STXBP5: variants seen among roughly 807,000 people sequenced by gnomAD.
STXBP5 encodes syntaxin-binding protein 5.
STXBP5 carries 50 observed loss-of-function variants against 152.4 expected under a neutral mutation model. The ratio of observed to expected loss-of-function variants is 0.33; its 90% CI spans 0.26 to 0.42. STXBP5 has a LOEUF of 0.42. Among genes scored for constraint, STXBP5 ranks in the 10% least tolerant of loss-of-function variants. The pLI is 1.00. For synonymous variants in STXBP5, 492 were observed against 494.7 expected (o/e 0.99, Z 0.07); for missense variants, 1,167 against 1,388.6 (o/e 0.84, Z 2.54).
intron 9 of STXBP5, among the ~76,000 whole-genome samples, chr6:147,294,211 T>C (rs1251936918): frequency 6.6e-6 from 1 of 152,102 alleles, no homozygotes; most frequent in East Asian, 1.9e-4. Context: ...TGAAATCCCA[T>C]GGTGAATGGC....
intron 23 of STXBP5, among the ~76,000 whole-genome samples, chr6:147,362,743 A>G (rs1031782683): frequency 6.6e-6 from 1 of 152,234 alleles, no homozygotes; most frequent in African/African-American, 2.4e-5. Flanking sequence ...ATTAATTTTA[A>G]TAACATTTTA....
chr6:147,388,214 A>G lies in STXBP5; in HGVS notation c.*3459A>G, dbSNP rs963885483. On this transcript the variant is annotated 3_prime_UTR_variant, in exon 28 of 28. Transcript: ENST00000321680. ...TTGCTCAGTTTAAACCAAGTGATAC[A>G]TGTGTATAAAACATACCAAAATCAT... The G allele has an allele frequency of 2.6e-5, 4 of 151,794 alleles. No homozygotes were observed. The highest frequency in any genetic ancestry group is 4.8e-5 in the African/African-American group (2 of 41,414). The allele number at this position is 151,794 out of a possible 1,614,324, so 9.4% of individuals were successfully genotyped here. A position where few individuals can be genotyped will look rare whatever the true frequency, so the allele number is the denominator to read the frequency against.
In STXBP5 at chr6:147,228,891, GAT is replaced by G. The variant is rs376928726; in HGVS notation, c.249-6356_249-6355del. Among the ~76,000 whole-genome samples the G allele has an allele frequency of 1.5e-3, 228 of 152,160 alleles. 12 individuals carry two copies. In the South Asian group the frequency reaches 0.046, roughly 31 times the overall value. On this transcript the variant is annotated intron_variant, in intron 2 of 27. Transcript: ENST00000321680. ...AAATGATTTTAATTTACAAGGGAAA[GAT>G]ATTTTTCTTGGGACTTTTACTTACA...
intron 9 of STXBP5, among the ~76,000 whole-genome samples, chr6:147,295,475 C>CA (rs1183047686): frequency 6.6e-6 from 1 of 152,088 alleles, no homozygotes; most frequent in Non-Finnish European, 1.5e-5. Flanking sequence ...ACAAAAGGAC[C>CA]AAAAAGAACA....
intron 14 of STXBP5, among the ~76,000 whole-genome samples, chr6:147,315,082 C>G (rs995569863): frequency 1.3e-5 from 2 of 152,012 alleles, no homozygotes; most frequent in Non-Finnish European, 2.9e-5. Context: ...GGCAAGCATT[C>G]AATTGGAATC....
At chr6:147,370,372 CT>C (rs1386817382) in intron 25 of STXBP5, among the ~76,000 whole-genome samples, 1 of 151,886 alleles carries the variant, frequency 6.6e-6, no homozygotes, top group Admixed American at 6.6e-5. Flanking sequence ...AATTGTACAC[CT>C]CAAATATATG....
At chr6:147,207,555 G>A (rs1411671852) in intron 2 of STXBP5, among the ~76,000 whole-genome samples, 2 of 152,156 alleles carry the variant, frequency 1.3e-5, no homozygotes, top group Admixed American at 6.5e-5. Flanking sequence ...TTAGGGTTGT[G>A]TGAAGACGGG....
At chr6:147,246,937 T>G (rs1778838754) in intron 4 of STXBP5, among the ~76,000 whole-genome samples, 1 of 152,196 alleles carries the variant, frequency 6.6e-6, no homozygotes, top group Non-Finnish European at 1.5e-5. Context: ...TTTCCCAGTA[T>G]CGTAAGTAAA....
chr6:147,274,040 A>G (rs1780320578), intron 7 of STXBP5, among the ~76,000 whole-genome samples: 1 of 151,442 alleles, frequency 6.6e-6, no homozygotes, highest in Non-Finnish European at 1.5e-5. Context: ...TGCACTGTGT[A>G]TATTCATGGA....
intron 7 of STXBP5, among the ~76,000 whole-genome samples, chr6:147,273,575 A>G (rs1780286212): frequency 6.6e-6 from 1 of 152,164 alleles, no homozygotes; most frequent in Admixed American, 6.5e-5. Flanking sequence ...AAATATTGGT[A>G]GTAAAATATG....
chr6:147,297,778 A>G (rs1781601687), intron 9 of STXBP5, among the ~76,000 whole-genome samples: 2 of 152,150 alleles, frequency 1.3e-5, no homozygotes, highest in African/African-American at 4.8e-5. Context: ...TTAAGTTGTT[A>G]TCAGCTTAAA....
At chr6:147,264,572 C>T (rs1355725587) in intron 6 of STXBP5, among the ~76,000 whole-genome samples, 1 of 152,050 alleles carries the variant, frequency 6.6e-6, no homozygotes, top group Admixed American at 6.6e-5. Flanking sequence ...TTTCTAGATA[C>T]AGACTGGTTA....
chr6:147,311,875 C>T (rs1782396030), intron 11 of STXBP5, among the ~76,000 whole-genome samples: 1 of 152,116 alleles, frequency 6.6e-6, no homozygotes, highest in Non-Finnish European at 1.5e-5. Context: ...TACGTCTACT[C>T]ACTCTCAGTT....
At chr6:147,210,007 A>G (rs897017231) in intron 2 of STXBP5, among the ~76,000 whole-genome samples, 12 of 152,186 alleles carry the variant, frequency 7.9e-5, no homozygotes, top group African/African-American at 2.2e-4. Context: ...GTAATAGGAG[A>G]TGCTGACAGG....
chr6:147,279,196 C>T (rs1228636160), intron 8 of STXBP5, among the ~76,000 whole-genome samples: 1 of 152,174 alleles, frequency 6.6e-6, no homozygotes, highest in African/African-American at 2.4e-5. Flanking sequence ...CTTAACAAAA[C>T]TTATAAGAAA....
intron 19 of STXBP5, among the ~76,000 whole-genome samples, chr6:147,336,721 G>A (rs1783842595): frequency 6.6e-6 from 1 of 152,008 alleles, no homozygotes; most frequent in African/African-American, 2.4e-5. Context: ...GGGAAAAGAA[G>A]AAATGTATAA....
intron 4 of STXBP5, among the ~76,000 whole-genome samples, chr6:147,251,635 T>G (rs531897343): frequency 6.6e-6 from 1 of 152,274 alleles, no homozygotes; most frequent in South Asian, 2.1e-4. Flanking sequence ...GACAGAGCAC[T>G]TGGAGAAAGG....
At chr6:147,377,900 C>A (rs569701590) in intron 26 of STXBP5, among the ~76,000 whole-genome samples, 1 of 151,670 alleles carries the variant, frequency 6.6e-6, no homozygotes, top group African/African-American at 2.4e-5. Context: ...AAAAGAAATG[C>A]ACAAGTAGAT....
In STXBP5 at chr6:147,334,186, G is replaced by T. The variant is rs140102693; in HGVS notation, c.2110G>T (p.Val704Phe). 6.7e-5 allele frequency: 108 copies of T among 1,612,214 alleles called. No individual in the cohort carries two copies. Among genetic ancestry groups the T allele is most frequent in the Non-Finnish European group, 9.0e-5 (106 of 1,179,248 alleles). The change falls in exon 19 of 28, where the codon GTT becomes TTT. Residue 704 changes from valine (V) to phenylalanine (F), a missense_variant. Coordinates refer to ENST00000321680, the MANE Select transcript of STXBP5 (RefSeq NM_001127715.4). The stretch of plus-strand genomic sequence containing the variant: ...TCTGTGTGATATTAGTGAAGGGACT[G>T]TTGTTCCAGAGGATCGCTGCAAATC... ...AGLCDISEGTVVPEDRCKSPT... is the reference protein window; with the variant it reads ...AGLCDISEGTFVPEDRCKSPT...
Sources: allele counts gnomAD v4.1 joint callset (sites outside exome capture counted in the v4.1 genomes callset), GRCh38; gene constraint gnomAD v4.1.1; transcripts MANE v1.5; gene names NCBI Gene and HGNC (gene_info 2026-07-23, HGNC 2026-07-21).